Variants in LYZL4 observed in about 807,000 individuals in gnomAD.
The protein encoded by LYZL4 is lysozyme like 4.
In LYZL4, 13 loss-of-function variants were observed where a neutral mutation model predicts 17.6. The observed-to-expected ratio is 0.74, with a 90% CI of 0.48 to 1.18. The LOEUF (loss-of-function observed/expected upper bound fraction) is 1.18. Among genes scored for constraint, LYZL4 ranks in the 50% most tolerant of loss-of-function variants. The pLI, the probability that LYZL4 is intolerant of heterozygous loss-of-function variation, is 0.00. For synonymous variants in LYZL4, 64 were observed against 67.7 expected, an observed-to-expected ratio of 0.95 and a Z score of 0.27; for missense variants, 174 against 188.2, an observed-to-expected ratio of 0.92 and a Z score of 0.44.
chr3:42,408,212 G>T (rs1698796663), intron 1 of LYZL4, among the ~76,000 whole-genome samples: 1 of 152,142 alleles, frequency 6.6e-6, no homozygotes, highest in South Asian at 2.1e-4. Flanking sequence ...GGAGAACACT[G>T]CTAATCCCCT....
At chr3:42,379,873 G>C in the LYZL4 span, among the ~76,000 whole-genome samples, 26 of 152,270 alleles carry the variant, frequency 1.7e-4, no homozygotes, top group African/African-American at 5.8e-4. Flanking sequence ...AGCTCATGGG[G>C]GTAGGACCCT....
chr3:42,377,376 C>T, the LYZL4 span, among the ~76,000 whole-genome samples: 1 of 152,098 alleles, frequency 6.6e-6, no homozygotes, highest in African/African-American at 2.4e-5. Flanking sequence ...TTCCAGCTAG[C>T]TTGAAAATCA....
chr3:42,361,800 G>A, the LYZL4 span, among the ~76,000 whole-genome samples: 6 of 152,052 alleles, frequency 3.9e-5, no homozygotes, highest in African/African-American at 1.2e-4. Flanking sequence ...AAATTGAGAA[G>A]GTACAGAGAT....
At chr3:42,366,420 A>G in the LYZL4 span, among the ~76,000 whole-genome samples, 1 of 152,092 alleles carries the variant, frequency 6.6e-6, no homozygotes, top group Non-Finnish European at 1.5e-5. Context: ...TTGTGGCGGC[A>G]CCAGGCAGAA....
At chr3:42,373,908 G>A in the LYZL4 span, among the ~76,000 whole-genome samples, 2 of 151,912 alleles carry the variant, frequency 1.3e-5, no homozygotes, top group Non-Finnish European at 2.9e-5. Flanking sequence ...TTGCTAATAT[G>A]TATATATATA....
downstream of LYZL4, among the ~76,000 whole-genome samples, chr3:42,396,618 C>T (rs1698552337): frequency 6.6e-6 from 1 of 152,138 alleles, no homozygotes. Context: ...GGAAATGCAA[C>T]CAAAACATAA....
At chr3:42,410,070 AAAG>A (rs1301378157) in intron 1 of LYZL4, among the ~76,000 whole-genome samples, 1 of 152,204 alleles carries the variant, frequency 6.6e-6, no homozygotes, top group African/African-American at 2.4e-5. Context: ...CTGCCCCATC[AAAG>A]AAGACGGTCT....
At chr3:42,388,554 A>G in the LYZL4 span, among the ~76,000 whole-genome samples, 1 of 152,208 alleles carries the variant, frequency 6.6e-6, no homozygotes, top group African/African-American at 2.4e-5. Context: ...TCAGAGAGTC[A>G]TGAATGCCAG....
At chr3:42,380,408 C>T in the LYZL4 span, among the ~76,000 whole-genome samples, 1 of 152,180 alleles carries the variant, frequency 6.6e-6, no homozygotes, top group African/African-American at 2.4e-5. Flanking sequence ...GTAAATAAAA[C>T]GTTGGAGCTA....
At chr3:42,406,451 C>T (rs1351479525) in intron 3 of LYZL4, among the ~76,000 whole-genome samples, 3 of 68,316 alleles carry the variant, frequency 4.4e-5, no homozygotes, top group African/African-American at 1.4e-4. Context: ...GAGACTCCGT[C>T]TCAAAAAAAA....
chr3:42,386,408 C>CA, the LYZL4 span, among the ~76,000 whole-genome samples: 6 of 136,368 alleles, frequency 4.4e-5, no homozygotes, highest in Admixed American at 1.5e-4. Flanking sequence ...CCCCCCCCCC[C>CA]CCCCGCCTCC....
At chr3:42,401,056 A>C (rs1698643391) in intron 4 of LYZL4, among the ~76,000 whole-genome samples, 1 of 152,224 alleles carries the variant, frequency 6.6e-6, no homozygotes, top group African/African-American at 2.4e-5. Flanking sequence ...AACAGTGAAC[A>C]GAGACAAGAA....
At chr3:42,401,219 AT>A (rs139036139) in intron 4 of LYZL4, among the ~76,000 whole-genome samples, 85 of 151,478 alleles carry the variant, frequency 5.6e-4, no homozygotes, top group East Asian at 4.7e-3. Flanking sequence ...CTTTATTAAT[AT>A]TTTTTTTTGA....
At chr3:42,374,329 A>G in the LYZL4 span, among the ~76,000 whole-genome samples, 2 of 152,198 alleles carry the variant, frequency 1.3e-5, no homozygotes, top group South Asian at 4.1e-4. Context: ...ACTTTAAATT[A>G]TTCACTCCAA....
intron 4 of LYZL4, among the ~76,000 whole-genome samples, chr3:42,402,074 A>G (rs1379326612): frequency 2.0e-5 from 3 of 151,920 alleles, no homozygotes; most frequent in African/African-American, 7.2e-5. Context: ...AGGGAAAGCA[A>G]TAATAAATTA....
chr3:42,372,442 T>C, the LYZL4 span, among the ~76,000 whole-genome samples: 3 of 152,048 alleles, frequency 2.0e-5, no homozygotes, highest in African/African-American at 7.2e-5. Flanking sequence ...AAGGAGTTGA[T>C]TTGGAGGTGA....
chr3:42,369,751 C>G, the LYZL4 span, among the ~76,000 whole-genome samples: 2 of 152,170 alleles, frequency 1.3e-5, no homozygotes, highest in Admixed American at 1.3e-4. Context: ...TTTTAACTCC[C>G]CTACCCCACA....
At chr3:42,391,660 C>T in the LYZL4 span, among the ~76,000 whole-genome samples, 8 of 152,056 alleles carry the variant, frequency 5.3e-5, no homozygotes, top group South Asian at 6.2e-4. Context: ...AACTTGGATA[C>T]GTTTTTTGAG....
At chr3:42,376,230 G>T in the LYZL4 span, among the ~76,000 whole-genome samples, 7 of 152,226 alleles carry the variant, frequency 4.6e-5, no homozygotes, top group Non-Finnish European at 1.0e-4. Context: ...TCCACCCTTC[G>T]CAGGGAGAAT....
Sources: allele counts gnomAD v4.1 joint callset (sites outside exome capture counted in the v4.1 genomes callset), GRCh38; gene constraint gnomAD v4.1.1; transcripts MANE v1.5; gene names NCBI Gene and HGNC (gene_info 2026-07-23, HGNC 2026-07-21).